BEND6: variants seen among roughly 807,000 people sequenced by gnomAD.
BEND6 encodes the protein BEN domain-containing protein 6.
In BEND6, 24 loss-of-function variants were observed where a neutral mutation model predicts 31.8. The observed-to-expected ratio is 0.75, with a 90% CI of 0.55 to 1.06. The LOEUF (loss-of-function observed/expected upper bound fraction) is 1.06. BEND6 is among the 50% of genes least tolerant of loss of function. The pLI is 0.00. For synonymous variants in BEND6, 109 were observed against 114.6 expected, an observed-to-expected ratio of 0.95 and a Z score of 0.31; for missense variants, 294 against 327.4, an observed-to-expected ratio of 0.90 and a Z score of 0.79.
At chr6:56,957,347 ACAAAC>A (rs992030395) in intron 1 of BEND6, among the ~76,000 whole-genome samples, 3 of 152,162 alleles carry the variant, frequency 2.0e-5, no homozygotes, top group Non-Finnish European at 4.4e-5. Flanking sequence ...CTAATAATAA[ACAAAC>A]CAAATCCTTG....
rs528557508 is a variant in BEND6, at chr6:57,014,911, A to G, written c.299-222A>G. Among the ~76,000 whole-genome samples, 6 of 152,336 alleles carry G rather than the reference A, an allele frequency of 3.9e-5. No individual in the cohort carries two copies. In the East Asian group the frequency reaches 1.2e-3, roughly 29 times the overall value. On this transcript the variant is annotated intron_variant, in intron 3 of 6. Transcript: ENST00000370746. ...CATATACATTTAACTGCAATGACCA[A>G]ATGTTTTTAATTGCTTTATTATTAT...
intron 1 of BEND6, among the ~76,000 whole-genome samples, chr6:56,963,898 T>A (rs1416616389): frequency 6.8e-6 from 1 of 147,904 alleles, no homozygotes; most frequent in Non-Finnish European, 1.5e-5. Context: ...AATGTTATAA[T>A]TACAATATTA....
intron 3 of BEND6, among the ~76,000 whole-genome samples, chr6:57,003,521 A>T (rs931594108): frequency 6.6e-6 from 1 of 151,866 alleles, no homozygotes; most frequent in Admixed American, 6.6e-5. Flanking sequence ...AGCAACAACA[A>T]CAACAACAAC....
At chr6:57,019,832 G>A (rs1054219398) in intron 6 of BEND6, among the ~76,000 whole-genome samples, 1 of 152,210 alleles carries the variant, frequency 6.6e-6, no homozygotes, top group East Asian at 1.9e-4. Flanking sequence ...GGTGGCTCAC[G>A]CCTGTAGTCC....
intron 2 of BEND6, among the ~76,000 whole-genome samples, chr6:56,982,323 C>T (rs1826100639): frequency 6.6e-6 from 1 of 152,200 alleles, no homozygotes; most frequent in African/African-American, 2.4e-5. Context: ...AATTAAAGAT[C>T]AGCAAACTGT....
intron 1 of BEND6, among the ~76,000 whole-genome samples, chr6:56,965,679 TATATATA>T (rs1825452504): frequency 1.3e-5 from 1 of 77,502 alleles, no homozygotes; most frequent in East Asian, 3.5e-4. Flanking sequence ...AAAAAATTTA[TATATATA>T]TATATATATA....
intron 3 of BEND6, among the ~76,000 whole-genome samples, chr6:57,003,279 T>C (rs918735652): frequency 1.3e-5 from 2 of 152,128 alleles, no homozygotes; most frequent in Non-Finnish European, 2.9e-5. Context: ...GGCAGGAGGA[T>C]TGCTTGATCT....
intron 2 of BEND6, among the ~76,000 whole-genome samples, chr6:56,990,836 T>A (rs113683285): frequency 6.6e-6 from 1 of 152,086 alleles, no homozygotes; most frequent in African/African-American, 2.4e-5. Flanking sequence ...CCTACAGGAG[T>A]CAGACAATCT....
chr6:57,021,530 CT>C (rs960416292), intron 6 of BEND6, among the ~76,000 whole-genome samples: 4 of 152,108 alleles, frequency 2.6e-5, no homozygotes, highest in Non-Finnish European at 4.4e-5. Flanking sequence ...AAATTCCTCC[CT>C]TTTTTTAATA....
chr6:56,985,377 G>A (rs1266886899), intron 2 of BEND6, among the ~76,000 whole-genome samples: 1 of 152,040 alleles, frequency 6.6e-6, no homozygotes, highest in Non-Finnish European at 1.5e-5. Context: ...GGGTGCTATG[G>A]CAGCTCCACA....
At chr6:56,986,238 A>G (rs1015040553) in intron 2 of BEND6, among the ~76,000 whole-genome samples, 1 of 152,292 alleles carries the variant, frequency 6.6e-6, no homozygotes, top group South Asian at 2.1e-4. Context: ...ATATATAACA[A>G]TGAAATATAC....
At chr6:57,014,668 C>T (rs893128969) in intron 3 of BEND6, 1 of 626,670 alleles carries the variant, frequency 1.6e-6, no homozygotes, top group Non-Finnish European at 2.6e-6. Context: ...GTAAACCATA[C>T]ACGAAGGTCA....
chr6:56,979,581 G>C (rs1825999993), intron 1 of BEND6, among the ~76,000 whole-genome samples: 1 of 152,166 alleles, frequency 6.6e-6, no homozygotes. Flanking sequence ...TGATTTTGAT[G>C]ATAGGAAACA....
chr6:56,961,399 CAT>C (rs1347770520), intron 1 of BEND6, among the ~76,000 whole-genome samples: 4 of 152,136 alleles, frequency 2.6e-5, no homozygotes, highest in Non-Finnish European at 5.9e-5. Flanking sequence ...CATCTTTAAA[CAT>C]ATTGGGAGGG....
intron 3 of BEND6, among the ~76,000 whole-genome samples, chr6:56,992,866 CAA>C (rs1252893475): frequency 2.0e-5 from 3 of 151,776 alleles, no homozygotes; most frequent in Non-Finnish European, 2.9e-5. Flanking sequence ...GCCCTAGAGA[CAA>C]AAGATTATTA....
chr6:57,010,046 T>G (rs902646263), intron 3 of BEND6: 3 of 152,212 alleles, frequency 2.0e-5, no homozygotes, highest in African/African-American at 7.2e-5. Flanking sequence ...AATGAATCTA[T>G]GCAGTGACCA....
intron 6 of BEND6, among the ~76,000 whole-genome samples, chr6:57,022,085 T>G (rs1055679239): frequency 6.6e-6 from 1 of 152,102 alleles, no homozygotes; most frequent in Non-Finnish European, 1.5e-5. Context: ...CTTCTCTGGT[T>G]TTGGTGTCAT....
chr6:56,976,376 T>C (rs1349044256), intron 1 of BEND6, among the ~76,000 whole-genome samples: 1 of 151,758 alleles, frequency 6.6e-6, no homozygotes, highest in South Asian at 2.1e-4. Context: ...TTTGTATTTT[T>C]AGTGGAGACA....
intron 1 of BEND6, among the ~76,000 whole-genome samples, chr6:56,965,447 C>T (rs1825439791): frequency 1.3e-5 from 2 of 151,890 alleles, no homozygotes; most frequent in Non-Finnish European, 2.9e-5. Context: ...CATGGTGGCT[C>T]ATACCTGTAA....
Sources: gnomAD v4.1 joint callset for allele counts (sites outside exome capture counted in the v4.1 genomes callset) on GRCh38, gnomAD v4.1.1 for gene constraint, MANE v1.5 for transcripts, NCBI Gene and HGNC (gene_info 2026-07-23, HGNC 2026-07-21) for gene names.